FRMPD4: variants seen among roughly 807,000 people sequenced by gnomAD.
The protein encoded by FRMPD4 is FERM and PDZ domain containing 4.
FRMPD4 carries 22 observed loss-of-function variants against 94.1 expected under a neutral mutation model. That is an observed-to-expected ratio of 0.23 (90% CI 0.17 to 0.33). The LOEUF is 0.33. Ranked by LOEUF, FRMPD4 falls within the 10% of genes least tolerant of loss-of-function variation. The pLI is 1.00. For synonymous variants in FRMPD4, 631 were observed against 548.6 expected (o/e 1.15, Z -2.10); for missense variants, 1,111 against 1,339.9 (o/e 0.83, Z 2.67).
chrX:12,346,289 A>G (rs2055708785), intron 1 of FRMPD4, among the ~76,000 whole-genome samples: 2 of 109,973 alleles, frequency 1.8e-5, no homozygotes, highest in South Asian at 7.8e-4. Context: ...AAAAAAAAAA[A>G]ATAGGTTGCA....
At chrX:12,146,873 A>G (rs143359560) in intron 1 of FRMPD4, among the ~76,000 whole-genome samples, 2,756 of 112,272 alleles carry the variant, frequency 0.025, 96 homozygotes, top group African/African-American at 0.083. Flanking sequence ...AGATAGGACT[A>G]TCTCATCTTC....
At chrX:12,679,212 A>G (rs1366718061) in intron 5 of FRMPD4, among the ~76,000 whole-genome samples, 3 of 112,553 alleles carry the variant, frequency 2.7e-5, no homozygotes, top group East Asian at 5.6e-4. Flanking sequence ...CTGAGGAATT[A>G]TCATTCCCAG....
At chrX:12,050,446 A>G (rs769973203) in intron 3 of FRMPD4, among the ~76,000 whole-genome samples, 10 of 111,724 alleles carry the variant, frequency 9.0e-5, no homozygotes, top group African/African-American at 2.9e-4. Flanking sequence ...GAATTAGGCT[A>G]TAGCATGTAG....
chrX:12,621,826 G>A (rs1430093899), intron 4 of FRMPD4, among the ~76,000 whole-genome samples: 3 of 35,443 alleles, frequency 8.5e-5, no homozygotes, highest in African/African-American at 1.3e-4. Context: ...AAAAAGAAAA[G>A]AAAAGAAAGG....
chrX:11,856,605 G>A lies in FRMPD4; in HGVS notation c.-160-8481G>A, dbSNP rs191449561. Among the ~76,000 whole-genome samples, 260 of 111,767 alleles carry A rather than the reference G, an allele frequency of 2.3e-3. 1 individual carries two copies. The highest frequency in any genetic ancestry group is 8.0e-3 in the African/African-American group (246 of 30,748). The stretch of plus-strand genomic sequence containing the variant: ...ACAAACCCATAGCCAGTATCATATT[G>A]AATAGGTAAAAGCTGGAAGAATTCC... On this transcript the variant is annotated intron_variant, in intron 1 of 18. Transcript: ENST00000640291.
At chrX:12,029,728 C>T (rs1453605274) in intron 3 of FRMPD4, among the ~76,000 whole-genome samples, 2 of 111,802 alleles carry the variant, frequency 1.8e-5, no homozygotes, top group Non-Finnish European at 3.8e-5. Context: ...AGGTCATGCT[C>T]ACTCAGCCAA....
At chrX:12,121,793 G>C (rs1045260549) in intron 3 of FRMPD4, among the ~76,000 whole-genome samples, 4 of 111,634 alleles carry the variant, frequency 3.6e-5, no homozygotes, top group Non-Finnish European at 7.5e-5. Context: ...CTCATCTCTG[G>C]GTCATGAGAT....
At chrX:12,413,399 G>T (rs1031207374) in intron 1 of FRMPD4, among the ~76,000 whole-genome samples, 2 of 111,980 alleles carry the variant, frequency 1.8e-5, no homozygotes, top group Non-Finnish European at 3.8e-5. Context: ...TTGTATTGGG[G>T]TCTCCTTCTA....
intron 3 of FRMPD4, among the ~76,000 whole-genome samples, chrX:12,068,818 A>T (rs5935232): frequency 0.15 from 17,212 of 111,704 alleles, 1,439 homozygotes; most frequent in African/African-American, 0.31. Flanking sequence ...CCATTAAGTA[A>T]CAAATGTAAT....
intron 1 of FRMPD4, among the ~76,000 whole-genome samples, chrX:12,194,172 T>G (rs1254681463): frequency 9.0e-6 from 1 of 111,151 alleles, no homozygotes; most frequent in Non-Finnish European, 1.9e-5. Flanking sequence ...CAGGAGGGCC[T>G]GTGTAGTCTT....
At position 12,718,113 on chromosome X, in the gene FRMPD4, C is replaced by G. The variant is rs2147175488; in HGVS notation, c.3287C>G (p.Ala1096Gly). Reference protein sequence around the residue: ...FRKDSQRWYVATEGGMAEKSG... With the variant: ...FRKDSQRWYVGTEGGMAEKSG... The stretch of plus-strand genomic sequence containing the variant: ...AAGGACAGTCAAAGATGGTATGTGG[C>G]CACTGAAGGTGGGATGGCTGAAAAA... Residue 1096 changes from alanine (A) to glycine (G), a missense_variant, in exon 16 of 17, where the codon GCC becomes GGC. By Grantham distance (60) the Ala-to-Gly change is moderately conservative. Transcript: ENST00000675598. 1 of 1,210,748 alleles carries G rather than the reference C, an allele frequency of 8.3e-7. No homozygotes were observed. Among genetic ancestry groups the G allele is most frequent in the Non-Finnish European group, 1.1e-6 (1 of 894,597 alleles).
At chrX:12,594,121 G>A (rs1032076284) in intron 2 of FRMPD4, among the ~76,000 whole-genome samples, 7 of 110,462 alleles carry the variant, frequency 6.3e-5, no homozygotes, top group Non-Finnish European at 3.8e-5. Flanking sequence ...TGTTTCATAT[G>A]TTGCAAATAT....
At chrX:12,439,509 CTT>C (rs755161962) in intron 1 of FRMPD4, among the ~76,000 whole-genome samples, 5 of 111,765 alleles carry the variant, frequency 4.5e-5, no homozygotes, top group African/African-American at 6.5e-5. Flanking sequence ...AACCTCCACT[CTT>C]TACTATTTCC....
At chrX:12,302,196 T>C (rs747709959) in intron 1 of FRMPD4, among the ~76,000 whole-genome samples, 1 of 111,929 alleles carries the variant, frequency 8.9e-6, no homozygotes, top group East Asian at 2.8e-4. Context: ...CACCCTGCCC[T>C]GGGCTGGTTT....
At chrX:12,418,350 CTTTTT>C (rs540740432) in intron 1 of FRMPD4, among the ~76,000 whole-genome samples, 1 of 81,077 alleles carries the variant, frequency 1.2e-5, no homozygotes, top group Admixed American at 1.6e-4. Flanking sequence ...GTGTTTCTTT[CTTTTT>C]TTTTTTTTTT....
At chrX:12,422,688 T>C (rs6640986) in intron 1 of FRMPD4, among the ~76,000 whole-genome samples, 36,882 of 111,013 alleles carry the variant, frequency 0.33, 4,468 homozygotes, top group East Asian at 0.56. Context: ...GTGAAACATA[T>C]AGGAGAAACA....
chrX:12,562,912 A>G (rs1279603680), intron 2 of FRMPD4, among the ~76,000 whole-genome samples: 1 of 112,324 alleles, frequency 8.9e-6, no homozygotes, highest in Non-Finnish European at 1.9e-5. Context: ...AGCCTCCCAA[A>G]GTGCTGGGAT....
chrX:12,077,301 G>A (rs1180758377), intron 3 of FRMPD4, among the ~76,000 whole-genome samples: 1 of 111,855 alleles, frequency 8.9e-6, no homozygotes, highest in African/African-American at 3.2e-5. Flanking sequence ...CCAGTAGGTA[G>A]CAATGACAGA....
intron 1 of FRMPD4, among the ~76,000 whole-genome samples, chrX:12,234,175 G>T (rs1246261275): frequency 9.0e-6 from 1 of 110,998 alleles, no homozygotes; most frequent in African/African-American, 3.3e-5. Flanking sequence ...AGAGTGCAAG[G>T]GGAGGTGTGT....
Sources: allele counts gnomAD v4.1 joint callset (sites outside exome capture counted in the v4.1 genomes callset), GRCh38; gene constraint gnomAD v4.1.1; transcripts MANE v1.5; gene names NCBI Gene and HGNC (gene_info 2026-07-23, HGNC 2026-07-21).